Variants in ZNF248 observed in about 807,000 individuals in gnomAD.
ZNF248 encodes the protein zinc finger protein 248, also known as KRAB protein domain.
A neutral mutation model predicts 44.3 loss-of-function variants in ZNF248; 20 were observed. The observed-to-expected ratio is 0.45, with a 90% CI of 0.32 to 0.66. The LOEUF (loss-of-function observed/expected upper bound fraction) is 0.66. Ranked by LOEUF, ZNF248 falls within the 30% of genes least tolerant of loss-of-function variation. The probability of loss-of-function intolerance (pLI) is 0.04; values close to 1 mark genes in which losing one functional copy is unlikely to be tolerated. For missense variants in ZNF248, 654 were observed against 677.0 expected (o/e 0.97, Z 0.38); for synonymous variants, 224 against 229.0 (o/e 0.98, Z 0.20).
intron 6 of ZNF248, among the ~76,000 whole-genome samples, chr10:37,810,247 C>T (rs1045883762): frequency 1.3e-5 from 2 of 152,266 alleles, no homozygotes; most frequent in South Asian, 4.1e-4. Context: ...TCTGGTTGTT[C>T]TATCCATTAT....
At chr10:37,788,646 C>T (rs1362512075) in intron 6 of ZNF248, among the ~76,000 whole-genome samples, 2 of 151,994 alleles carry the variant, frequency 1.3e-5, no homozygotes, top group African/African-American at 4.8e-5. Context: ...TACACAAATG[C>T]AAACAAAGCA....
intron 6 of ZNF248, among the ~76,000 whole-genome samples, chr10:37,808,293 T>TTC (rs1384144448): frequency 1.3e-5 from 2 of 151,308 alleles, no homozygotes; most frequent in East Asian, 3.9e-4. Flanking sequence ...TTTTTTTTTT[T>TTC]CTGAGACAGA....
intron 6 of ZNF248, among the ~76,000 whole-genome samples, chr10:37,779,520 T>C (rs1246548991): frequency 2.6e-5 from 4 of 151,890 alleles, no homozygotes; most frequent in Non-Finnish European, 5.9e-5. Flanking sequence ...TATTTCAAAA[T>C]AATAAGAGCT....
At chr10:37,759,555 G>A in the ZNF248 span, among the ~76,000 whole-genome samples, 1 of 152,206 alleles carries the variant, frequency 6.6e-6, no homozygotes, top group South Asian at 2.1e-4. Context: ...CTGGCAAAAG[G>A]CCTTAATCCA....
chr10:37,831,565 T>G lies in ZNF248; in HGVS notation c.*50A>C, dbSNP rs770076361. 15 of 1,563,126 alleles carry G rather than the reference T, an allele frequency of 9.6e-6. No individual in the cohort carries two copies. In the East Asian group the frequency reaches 3.2e-4, roughly 33 times the overall value. On this transcript the variant is annotated 3_prime_UTR_variant, in exon 6 of 6. Transcript: ENST00000395867. ...ATTCTTTGGCTTTCTCTGATCTCCT[T>G]TTTTGAAACTGTATAACCAATTTCA...
intron 6 of ZNF248, among the ~76,000 whole-genome samples, chr10:37,822,314 G>T (rs1253207342): frequency 5.3e-5 from 8 of 152,072 alleles, no homozygotes; most frequent in Non-Finnish European, 1.2e-4. Flanking sequence ...TTTAAATAAA[G>T]CTGAAAACGA....
Position 37,838,097 on chromosome 10 carries a change from G to C in ZNF248, c.30C>G (p.Phe10Leu). The C allele has an allele frequency of 1.9e-6, 3 of 1,612,546 alleles. No homozygotes were observed. The highest frequency in any genetic ancestry group is 2.5e-6 in the Non-Finnish European group (3 of 1,179,112). Residue 10 changes from phenylalanine to leucine, a missense_variant, in exon 4 of 6, where the codon TTC becomes TTG. By Grantham distance (22) the Phe-to-Leu change is conservative. Transcript: ENST00000395867. Reference sequence around the variant, plus strand: ...GAGTGAAGTCCACACATACATCCTTGAATGACACTTGTTCCTGTAATAGTA... The same window carrying C: ...GAGTGAAGTCCACACATACATCCTTCAATGACACTTGTTCCTGTAATAGTA... MNKSQEQVSFKDVCVDFTQE... is the reference protein window; with the variant it reads MNKSQEQVSLKDVCVDFTQE...
chr10:37,799,671 A>T (rs749436198), intron 6 of ZNF248, among the ~76,000 whole-genome samples: 86 of 152,352 alleles, frequency 5.6e-4, no homozygotes, highest in Middle Eastern at 3.4e-3. Context: ...AGGGTGAGAC[A>T]GGACAAGACG....
At chr10:37,798,038 A>G (rs1410297724) in intron 6 of ZNF248, among the ~76,000 whole-genome samples, 2 of 152,154 alleles carry the variant, frequency 1.3e-5, no homozygotes, top group African/African-American at 4.8e-5. Flanking sequence ...TCCATCTCAT[A>G]ATAGCCAAAA....
At chr10:37,845,713 GA>G (rs148517094) in intron 3 of ZNF248, among the ~76,000 whole-genome samples, 1,655 of 152,230 alleles carry the variant, frequency 0.011, 35 homozygotes, top group African/African-American at 0.038. Flanking sequence ...GAAAAGGCAG[GA>G]AGGAGTGAAA....
At position 37,852,652 on chromosome 10, in the gene ZNF248, G is replaced by C. The variant is rs182898477; in HGVS notation, c.15+3644C>G. The stretch of plus-strand genomic sequence containing the variant: ...CTATCTCTCTCTATATATAGATATA[G>C]ATATATAGATACAATATATATTTAT... On this transcript the variant is annotated intron_variant, in intron 3 of 5. Transcript: ENST00000395867. Among the ~76,000 whole-genome samples, 13 of 149,538 alleles carry C rather than the reference G, an allele frequency of 8.7e-5. No individual in the cohort carries two copies. The East Asian group carries it at 2.5e-3, about 29-fold the overall frequency.
chr10:37,759,498 C>T, the ZNF248 span, among the ~76,000 whole-genome samples: 4 of 152,108 alleles, frequency 2.6e-5, no homozygotes, highest in Non-Finnish European at 5.9e-5. Context: ...GGATGTGTTC[C>T]AGAGCTGTGA....
chr10:37,816,232 A>G (rs1315058863), intron 6 of ZNF248, among the ~76,000 whole-genome samples: 1 of 152,238 alleles, frequency 6.6e-6, no homozygotes, highest in African/African-American at 2.4e-5. Context: ...AGGACTTGCA[A>G]CAATGGCAAT....
chr10:37,788,379 G>A (rs946782248), intron 6 of ZNF248, among the ~76,000 whole-genome samples: 12 of 151,950 alleles, frequency 7.9e-5, no homozygotes, highest in Non-Finnish European at 1.5e-4. Flanking sequence ...CCAGCACTTT[G>A]GGAGGCTGAG....
downstream of ZNF248, among the ~76,000 whole-genome samples, chr10:37,775,843 G>A (rs941471668): frequency 2.6e-5 from 4 of 152,170 alleles, no homozygotes; most frequent in African/African-American, 9.7e-5. Flanking sequence ...GGAAAGATCT[G>A]TTTTAAGATT....
chr10:37,766,731 A>G, the ZNF248 span, among the ~76,000 whole-genome samples: 1 of 152,228 alleles, frequency 6.6e-6, no homozygotes, highest in Non-Finnish European at 1.5e-5. Flanking sequence ...CCTCCTCCAA[A>G]GGAACACAGC....
chr10:37,767,952 CA>C, the ZNF248 span, among the ~76,000 whole-genome samples: 34 of 151,352 alleles, frequency 2.2e-4, no homozygotes, highest in African/African-American at 7.8e-4. Context: ...AAATGGGAAA[CA>C]AAAAAAGGGA....
At chr10:37,784,861 AAAAC>A (rs2047701905) in intron 6 of ZNF248, among the ~76,000 whole-genome samples, 1 of 152,188 alleles carries the variant, frequency 6.6e-6, no homozygotes, top group Non-Finnish European at 1.5e-5. Context: ...AACAAAAAAC[AAAAC>A]AAACAAACAA....
At chr10:37,774,409 C>T (rs1459090753), downstream of ZNF248, among the ~76,000 whole-genome samples, 1 of 152,116 alleles carries the variant, frequency 6.6e-6, no homozygotes, top group African/African-American at 2.4e-5. Flanking sequence ...CTAAATTCAC[C>T]TTTTGTGTTT....
Sources: allele counts gnomAD v4.1 joint callset (sites outside exome capture counted in the v4.1 genomes callset), GRCh38; gene constraint gnomAD v4.1.1; transcripts MANE v1.5; gene names NCBI Gene and HGNC (gene_info 2026-07-23, HGNC 2026-07-21).